Variants in PATJ observed in about 807,000 individuals in gnomAD.
PATJ encodes the protein PATJ crumbs cell polarity complex component.
In PATJ, 190 loss-of-function variants were observed where a neutral mutation model predicts 224.9. That is an observed-to-expected ratio of 0.84 (90% CI 0.75 to 0.95). The LOEUF is 0.95. Ranked by LOEUF, PATJ falls within the 40% of genes least tolerant of loss-of-function variation. The pLI is 0.00. For missense variants in PATJ, 2,121 were observed against 2,270.3 expected (o/e 0.93, Z 1.34); for synonymous variants, 769 against 820.3 (o/e 0.94, Z 1.07).
intron 27 of PATJ, among the ~76,000 whole-genome samples, chr1:61,961,564 A>G (rs1172689544): frequency 1.3e-5 from 2 of 152,262 alleles, no homozygotes; most frequent in African/African-American, 2.4e-5. Context: ...ACAAAAAAAT[A>G]TATTTTGCAA....
rs185681579 is a variant in PATJ, at chr1:62,158,645, G to A, written c.5503-2263G>A. Among the ~76,000 whole-genome samples, 191 of 136,008 alleles carry A rather than the reference G, an allele frequency of 1.4e-3. 4 individuals carry two copies. In the East Asian group the frequency reaches 0.036, roughly 26 times the overall value. 89.2% of individuals were successfully genotyped at this position (136,008 alleles called of 152,430 possible). On this transcript the variant is annotated intron_variant, in intron 43 of 43. Coordinates refer to ENST00000642238, the MANE Select transcript of PATJ (RefSeq NM_001350145.3). ...CTGAGGCAGGAGAATGGTGTGAACC[G>A]GCGAGGCAGAGCTTGCAGTGAGCCG...
chr1:62,144,769 A>ATATATAT lies in PATJ; in HGVS notation c.5272-3515_5272-3514insTATATAT, dbSNP rs1180544696. On this transcript the variant is annotated intron_variant, in intron 41 of 43. Transcript: ENST00000642238. ...AAATGCTCTAGAATGTTATTTGCAA[A>ATATATAT]AAAAAAAAATATATATATATATATA... Among the ~76,000 whole-genome samples the ATATATAT allele has an allele frequency of 4.8e-4, 28 of 58,708 alleles. 1 individual carries two copies. Among genetic ancestry groups the ATATATAT allele is most frequent in the African/African-American group, 1.6e-3 (25 of 15,286 alleles). The allele number at this position is 58,708 out of a possible 152,430, so 38.5% of individuals were successfully genotyped here.
At chr1:61,938,707 A>G (rs997811637) in intron 27 of PATJ, among the ~76,000 whole-genome samples, 2 of 152,006 alleles carry the variant, frequency 1.3e-5, no homozygotes, top group African/African-American at 4.8e-5. Context: ...TAAATAAATA[A>G]TTTTTTAACT....
chr1:62,144,973 G>A (rs957935326), intron 41 of PATJ, among the ~76,000 whole-genome samples: 7 of 151,832 alleles, frequency 4.6e-5, no homozygotes, highest in East Asian at 2.0e-4. Context: ...CCACCACACC[G>A]GCTAATTTCT....
At chr1:61,991,081 A>G (rs181135690) in intron 28 of PATJ, among the ~76,000 whole-genome samples, 2 of 152,310 alleles carry the variant, frequency 1.3e-5, no homozygotes, top group Admixed American at 1.3e-4. Context: ...CCAGAAACAG[A>G]AAAAGAGATG....
At chr1:62,047,095 TC>T (rs1186213090) in intron 30 of PATJ, among the ~76,000 whole-genome samples, 1 of 152,218 alleles carries the variant, frequency 6.6e-6, no homozygotes, top group Non-Finnish European at 1.5e-5. Flanking sequence ...CGCTTTCCTT[TC>T]CCTAAGGGGA....
chr1:61,946,198 G>T (rs1254138846), intron 27 of PATJ, among the ~76,000 whole-genome samples: 8 of 151,974 alleles, frequency 5.3e-5, no homozygotes, highest in Non-Finnish European at 1.0e-4. Flanking sequence ...CTAGCAGAAG[G>T]CAAGAAATAA....
intron 17 of PATJ, among the ~76,000 whole-genome samples, chr1:61,846,844 C>T (rs926574026): frequency 6.6e-6 from 1 of 152,280 alleles, no homozygotes; most frequent in East Asian, 1.9e-4. Context: ...AGTGATCTGC[C>T]CGCCTTGGCC....
At chr1:61,859,414 T>C (rs1478580421) in intron 18 of PATJ, among the ~76,000 whole-genome samples, 1 of 151,862 alleles carries the variant, frequency 6.6e-6, no homozygotes, top group Non-Finnish European at 1.5e-5. Flanking sequence ...ATTTCAAGAA[T>C]TTTTTTTCTT....
At chr1:62,132,835 C>A (rs1191200393) in intron 41 of PATJ, among the ~76,000 whole-genome samples, 2 of 151,608 alleles carry the variant, frequency 1.3e-5, no homozygotes, top group Non-Finnish European at 2.9e-5. Flanking sequence ...GCCCGGGGGG[C>A]AGAGGTTGCA....
At chr1:61,949,869 T>A (rs1679363226) in intron 27 of PATJ, among the ~76,000 whole-genome samples, 1 of 150,556 alleles carries the variant, frequency 6.6e-6, no homozygotes, top group Non-Finnish European at 1.5e-5. Context: ...ACCACTGCCC[T>A]CCAGCCTAGG....
chr1:61,812,639 A>G (rs1219442687), intron 14 of PATJ, among the ~76,000 whole-genome samples: 1 of 152,018 alleles, frequency 6.6e-6, no homozygotes, highest in Non-Finnish European at 1.5e-5. Context: ...ACCTGAGGTC[A>G]GGAGTTCAAG....
chr1:61,861,681 T>G lies in PATJ; in HGVS notation c.2439+14T>G, dbSNP rs761073919. The stretch of plus-strand genomic sequence containing the variant: ...GAAGCACCCAAGGTATTTAATAAAT[T>G]TATTTCCCATTTGAATGATTTGCTA... On this transcript the variant is annotated intron_variant, in intron 19 of 43. Coordinates refer to ENST00000642238, the MANE Select transcript of PATJ (RefSeq NM_001350145.3). 2.7e-6 allele frequency: 3 copies of G among 1,127,822 alleles called. No homozygotes were observed. The highest frequency in any genetic ancestry group is 3.5e-5 in the South Asian group (2 of 57,384). 69.9% of individuals were successfully genotyped at this position (1,127,822 alleles called of 1,614,324 possible).
chr1:61,896,501 T>C (rs6700700), intron 22 of PATJ, among the ~76,000 whole-genome samples: 94,282 of 151,838 alleles, frequency 0.62, 30,127 homozygotes, highest in Middle Eastern at 0.7. Flanking sequence ...TTGCCTTGTC[T>C]GAGATGAGAC....
chr1:62,058,849 G>A (rs1389778308), intron 31 of PATJ, among the ~76,000 whole-genome samples: 1 of 152,152 alleles, frequency 6.6e-6, no homozygotes. Flanking sequence ...TAACGCAGAG[G>A]TCACAAGCTG....
At chr1:62,002,820 A>G (rs775987693) in intron 28 of PATJ, among the ~76,000 whole-genome samples, 15 of 152,098 alleles carry the variant, frequency 9.9e-5, no homozygotes, top group Non-Finnish European at 1.9e-4. Context: ...CACTATGTCT[A>G]TACAAGGGAC....
chr1:61,922,278 C>T (rs1674448048), intron 26 of PATJ, among the ~76,000 whole-genome samples: 1 of 152,070 alleles, frequency 6.6e-6, no homozygotes, highest in Non-Finnish European at 1.5e-5. Flanking sequence ...CTCCTGACAT[C>T]AGGCGATCTG....
chr1:61,871,555 A>ATT (rs1666598509), intron 20 of PATJ, among the ~76,000 whole-genome samples: 1 of 58,116 alleles, frequency 1.7e-5, no homozygotes, highest in Non-Finnish European at 3.0e-5. Flanking sequence ...ATATATATAT[A>ATT]TATTTTTTTT....
At position 61,864,319 on chromosome 1, in the gene PATJ, C is replaced by T; in HGVS notation, c.2521C>T (p.Gln841Ter). The change falls in exon 20 of 44, where the codon CAA becomes TAA. Residue 841 changes from glutamine to a stop codon, truncating the protein, a stop_gained. Transcript: ENST00000642238. LOFTEE classifies it high-confidence loss of function. The part of the protein sequence containing the change: ...LDLGKSFHSQ[Q>*]KEIEQSKEAW... ...TCTGGGAAAGTCTTTCCATTCCCAACAAAAAGAGATAGAGCAAAGCAAGGA... is the reference window on the plus strand; with the variant it reads ...TCTGGGAAAGTCTTTCCATTCCCAATAAAAAGAGATAGAGCAAAGCAAGGA... 2 of 1,613,800 alleles carry T rather than the reference C, an allele frequency of 1.2e-6. No individual in the cohort carries two copies. Among genetic ancestry groups the T allele is most frequent in the Non-Finnish European group, 1.7e-6 (2 of 1,179,800 alleles).
Sources: gnomAD v4.1 joint callset for allele counts (sites outside exome capture counted in the v4.1 genomes callset) on GRCh38, gnomAD v4.1.1 for gene constraint, MANE v1.5 for transcripts, NCBI Gene and HGNC (gene_info 2026-07-23, HGNC 2026-07-21) for gene names.